Variants in TLE4 observed in about 807,000 individuals in gnomAD.
TLE4 encodes transducin-like enhancer protein 4.
A neutral mutation model predicts 92.8 loss-of-function variants in TLE4; 8 were observed. The ratio of observed to expected loss-of-function variants is 0.09; its 90% CI spans 0.05 to 0.16. The LOEUF (loss-of-function observed/expected upper bound fraction) is 0.16. TLE4 is among the 10% of genes least tolerant of loss of function. The pLI, the probability that TLE4 is intolerant of heterozygous loss-of-function variation, is 1.00. For synonymous variants in TLE4, 371 were observed against 374.1 expected, an observed-to-expected ratio of 0.99 and a Z score of 0.10; for missense variants, 675 against 997.6, an observed-to-expected ratio of 0.68 and a Z score of 4.36.
chr9:79,594,619 G>T (rs558603064), intron 4 of TLE4, among the ~76,000 whole-genome samples: 1 of 152,184 alleles, frequency 6.6e-6, no homozygotes, highest in African/African-American at 2.4e-5. Flanking sequence ...CTGGTGGCTG[G>T]TGGGTTGTTA....
chr9:79,629,329 C>G (rs2053579095), intron 6 of TLE4, among the ~76,000 whole-genome samples: 1 of 151,892 alleles, frequency 6.6e-6, no homozygotes, highest in Non-Finnish European at 1.5e-5. Flanking sequence ...AAAATCAGAA[C>G]AAGTTCCCTT....
intron 4 of TLE4, among the ~76,000 whole-genome samples, chr9:79,600,980 G>T (rs1020655778): frequency 6.6e-6 from 1 of 152,124 alleles, no homozygotes; most frequent in African/African-American, 2.4e-5. Context: ...TCTCATGAAC[G>T]CTGTATACAA....
At chr9:79,685,596 G>A (rs1046865190) in intron 8 of TLE4, among the ~76,000 whole-genome samples, 12 of 152,100 alleles carry the variant, frequency 7.9e-5, no homozygotes, top group Admixed American at 6.6e-4. Context: ...TACTACTCTA[G>A]GGGGATTATT....
At chr9:79,714,586 C>G (rs2074093238) in intron 14 of TLE4, among the ~76,000 whole-genome samples, 1 of 152,208 alleles carries the variant, frequency 6.6e-6, no homozygotes, top group South Asian at 2.1e-4. Flanking sequence ...ATCTCTATTA[C>G]CATGTCTGTC....
chr9:79,688,028 T>C (rs2066258933), intron 8 of TLE4, among the ~76,000 whole-genome samples: 1 of 152,040 alleles, frequency 6.6e-6, no homozygotes, highest in Non-Finnish European at 1.5e-5. Flanking sequence ...ATTTCTCTGG[T>C]CCCTCCCACC....
At chr9:79,643,110 C>G (rs897030373) in intron 6 of TLE4, among the ~76,000 whole-genome samples, 1 of 152,206 alleles carries the variant, frequency 6.6e-6, no homozygotes, top group Non-Finnish European at 1.5e-5. Context: ...AAGGGCACAT[C>G]TTATTTTCCC....
intron 8 of TLE4, among the ~76,000 whole-genome samples, chr9:79,704,245 C>T (rs1338632068): frequency 6.6e-6 from 1 of 152,162 alleles, no homozygotes. Flanking sequence ...TCCTGAGTAG[C>T]TGGGACTGCA....
intron 5 of TLE4, 78 bp downstream of exon 5, chr9:79,612,796 C>G: frequency 8.3e-7 from 1 of 1,209,468 alleles, no homozygotes; most frequent in Non-Finnish European, 1.2e-6. Flanking sequence ...GTAGAACTGA[C>G]TCTCTGGCCT....
chr9:79,665,132 A>G (rs1264957764), intron 8 of TLE4, among the ~76,000 whole-genome samples: 2 of 152,238 alleles, frequency 1.3e-5, no homozygotes, highest in Admixed American at 1.3e-4. Flanking sequence ...ATTATTAAAA[A>G]GGCACAGCTA....
chr9:79,717,555 T>A (rs1038303198), intron 14 of TLE4, among the ~76,000 whole-genome samples: 1 of 152,210 alleles, frequency 6.6e-6, no homozygotes, highest in Non-Finnish European at 1.5e-5. Context: ...TGCGTCATTT[T>A]TTCTGGGAGC....
At chr9:79,617,385 A>T (rs1588108275) in intron 5 of TLE4, among the ~76,000 whole-genome samples, 1 of 152,156 alleles carries the variant, frequency 6.6e-6, no homozygotes, top group East Asian at 1.9e-4. Flanking sequence ...TATAAGGATC[A>T]CTTTTAAGAT....
intron 4 of TLE4, among the ~76,000 whole-genome samples, chr9:79,581,191 G>A (rs182923984): frequency 1.3e-5 from 2 of 152,158 alleles, no homozygotes; most frequent in East Asian, 1.9e-4. Context: ...AAATCTAAAT[G>A]AGTGTAGGTT....
In TLE4 at chr9:79,708,625, T is replaced by C; in HGVS notation, c.1102T>C (p.Cys368Arg). The change falls in exon 13 of 20, where the codon TGT becomes CGT. Residue 368 changes from cysteine to arginine, a missense_variant. Coordinates refer to ENST00000376552, the MANE Select transcript of TLE4 (RefSeq NM_007005.6). ...CCTAAGGACCCCAATGGCAGTACCTTGTCCATATCCAACTCCATTTGGGAT... is the reference window on the plus strand; with the variant it reads ...CCTAAGGACCCCAATGGCAGTACCTCGTCCATATCCAACTCCATTTGGGAT... ...SSLRTPMAVP[C>R]PYPTPFGIVP... 1 of 1,614,138 alleles carries C rather than the reference T, an allele frequency of 6.2e-7. No homozygotes were observed. The highest frequency in any genetic ancestry group is 8.5e-7 in the Non-Finnish European group (1 of 1,180,028).
chr9:79,582,094 CTGTT>C (rs2039831663), intron 4 of TLE4, among the ~76,000 whole-genome samples: 2 of 152,082 alleles, frequency 1.3e-5, no homozygotes, highest in Non-Finnish European at 2.9e-5. Context: ...AGACAAGGGG[CTGTT>C]TGTTAATCAC....
chr9:79,657,761 A>C (rs190051835), intron 8 of TLE4, among the ~76,000 whole-genome samples: 59 of 152,330 alleles, frequency 3.9e-4, no homozygotes, highest in African/African-American at 1.3e-3. Context: ...TAATTCCAAT[A>C]TCAGGTAGCA....
At chr9:79,681,902 T>C (rs191384569) in intron 8 of TLE4, among the ~76,000 whole-genome samples, 1 of 151,712 alleles carries the variant, frequency 6.6e-6, no homozygotes, top group Admixed American at 6.6e-5. Flanking sequence ...AATATAGTTA[T>C]ATATAATTTG....
intron 4 of TLE4, among the ~76,000 whole-genome samples, chr9:79,605,312 C>G (rs2046556048): frequency 6.6e-6 from 1 of 152,110 alleles, no homozygotes; most frequent in Admixed American, 6.6e-5. Flanking sequence ...CTGAGTATAA[C>G]CGTGGTAACA....
chr9:79,591,039 T>C (rs1390796415), intron 4 of TLE4, among the ~76,000 whole-genome samples: 1 of 152,232 alleles, frequency 6.6e-6, no homozygotes, highest in Non-Finnish European at 1.5e-5. Context: ...TTCATCCAGC[T>C]AATGTTAATT....
chr9:79,723,415 T>C (rs147899971), intron 19 of TLE4, among the ~76,000 whole-genome samples: 6 of 152,376 alleles, frequency 3.9e-5, no homozygotes, highest in East Asian at 3.9e-4. Context: ...GTAGTTTTTT[T>C]ATTTTATTTT....
Sources: allele counts gnomAD v4.1 joint callset (sites outside exome capture counted in the v4.1 genomes callset), GRCh38; gene constraint gnomAD v4.1.1; transcripts MANE v1.5; gene names NCBI Gene and HGNC (gene_info 2026-07-23, HGNC 2026-07-21).